TPRG1: variants seen among roughly 807,000 people sequenced by gnomAD.
TPRG1 encodes the protein tumor protein p63-regulated gene 1 protein.
TPRG1 carries 29 observed loss-of-function variants against 29.3 expected under a neutral mutation model. The ratio of observed to expected loss-of-function variants is 0.99; its 90% CI spans 0.74 to 1.35. TPRG1 has a LOEUF of 1.35. Ranked by LOEUF, TPRG1 falls within the 40% of genes most tolerant of loss-of-function variation. TPRG1 has a pLI of 0.00. For missense variants in TPRG1, 327 were observed against 335.0 expected, an observed-to-expected ratio of 0.98 and a Z score of 0.19; for synonymous variants, 130 against 116.8, an observed-to-expected ratio of 1.11 and a Z score of -0.73.
At chr3:189,133,248 A>G (rs775456218) in intron 3 of TPRG1, among the ~76,000 whole-genome samples, 4 of 152,220 alleles carry the variant, frequency 2.6e-5, no homozygotes, top group Non-Finnish European at 4.4e-5. Context: ...TTGAAGTCTT[A>G]TGCTGTGTGC....
At chr3:189,035,979 A>G (rs1714242367) in intron 4 of TPRG1, among the ~76,000 whole-genome samples, 1 of 152,210 alleles carries the variant, frequency 6.6e-6, no homozygotes, top group Non-Finnish European at 1.5e-5. Context: ...TTGTATGTTC[A>G]TTGAAGCACT....
intron 1 of TPRG1, among the ~76,000 whole-genome samples, chr3:189,183,120 G>T (rs184799370): frequency 6.6e-6 from 1 of 152,098 alleles, no homozygotes; most frequent in South Asian, 2.1e-4. Flanking sequence ...TTCCCTAAGC[G>T]TCAGCCAGTT....
intron 2 of TPRG1, 87 bp downstream of exon 2, chr3:189,207,681 T>G: frequency 8.0e-7 from 1 of 1,249,364 alleles, no homozygotes; most frequent in Non-Finnish European, 1.1e-6. Context: ...ATTTACTGAG[T>G]GTACTCACAT....
intron 1 of TPRG1, among the ~76,000 whole-genome samples, chr3:189,101,197 G>A (rs970606088): frequency 1.3e-5 from 2 of 151,966 alleles, no homozygotes; most frequent in African/African-American, 2.4e-5. Context: ...TCATGCCAGC[G>A]AACCCTCACA....
chr3:189,160,310 C>A (rs1006020848), intron 5 of TPRG1, among the ~76,000 whole-genome samples: 1 of 152,012 alleles, frequency 6.6e-6, no homozygotes, highest in Non-Finnish European at 1.5e-5. Flanking sequence ...AGGGAAGAAC[C>A]CTGTGCAAGT....
chr3:189,008,651 C>A (rs1712436906), intron 3 of TPRG1, among the ~76,000 whole-genome samples: 1 of 151,956 alleles, frequency 6.6e-6, no homozygotes, highest in Admixed American at 6.6e-5. Context: ...GACAAGAAGC[C>A]TGGGAGGCTC....
chr3:189,145,235 G>A (rs537484559), intron 3 of TPRG1, among the ~76,000 whole-genome samples: 13 of 151,906 alleles, frequency 8.6e-5, no homozygotes, highest in South Asian at 2.1e-4. Flanking sequence ...GGTGGCAGGC[G>A]CCTGTAATCC....
At chr3:189,255,413 G>A (rs1711662707) in intron 4 of TPRG1, among the ~76,000 whole-genome samples, 1 of 152,180 alleles carries the variant, frequency 6.6e-6, no homozygotes, top group South Asian at 2.1e-4. Flanking sequence ...TGTGCTGCTT[G>A]ATTTGGTTTG....
intron 4 of TPRG1, among the ~76,000 whole-genome samples, chr3:189,265,194 C>T (rs552235481): frequency 6.6e-6 from 1 of 152,216 alleles, no homozygotes; most frequent in African/African-American, 2.4e-5. Flanking sequence ...TTCGGAGTCA[C>T]AGGATCTTAG....
intron 3 of TPRG1, among the ~76,000 whole-genome samples, chr3:189,221,242 T>C (rs1209680271): frequency 6.6e-6 from 1 of 152,224 alleles, no homozygotes; most frequent in Non-Finnish European, 1.5e-5. Context: ...TTTAGATTAA[T>C]CTTCACAGTA....
At chr3:189,157,346 C>A (rs2108618119) in intron 5 of TPRG1, among the ~76,000 whole-genome samples, 1 of 152,284 alleles carries the variant, frequency 6.6e-6, no homozygotes, top group South Asian at 2.1e-4. Context: ...GCTCAGGATG[C>A]AGTTAAGAGG....
intron 4 of TPRG1, chr3:189,240,150 C>T (rs1018016408): frequency 6.6e-6 from 1 of 152,084 alleles, no homozygotes; most frequent in Non-Finnish European, 1.5e-5. Flanking sequence ...ACATAAAAAA[C>T]TTATTTTTGC....
At chr3:189,153,390 G>GCTA (rs1472681210) in intron 5 of TPRG1, among the ~76,000 whole-genome samples, 1 of 152,218 alleles carries the variant, frequency 6.6e-6, no homozygotes, top group Non-Finnish European at 1.5e-5. Flanking sequence ...ACAGAGAAGA[G>GCTA]CTAAGCAAGA....
chr3:189,106,166 T>A (rs1396367201), intron 1 of TPRG1, among the ~76,000 whole-genome samples: 1 of 152,184 alleles, frequency 6.6e-6, no homozygotes, highest in Non-Finnish European at 1.5e-5. Context: ...TTTGGTTTAT[T>A]CTTAAAAGCA....
intron 1 of TPRG1, among the ~76,000 whole-genome samples, chr3:189,203,221 A>G (rs1215415699): frequency 6.6e-6 from 1 of 152,176 alleles, no homozygotes; most frequent in East Asian, 1.9e-4. Context: ...GAAATAAGTT[A>G]TTTACTATAA....
At chr3:189,288,709 C>T (rs922491520) in intron 4 of TPRG1, among the ~76,000 whole-genome samples, 8 of 152,222 alleles carry the variant, frequency 5.3e-5, no homozygotes, top group Non-Finnish European at 1.2e-4. Context: ...TGAGCTAAGT[C>T]GCAGTTTCAA....
chr3:189,032,583 TC>T (rs1344795846), intron 4 of TPRG1, among the ~76,000 whole-genome samples: 6 of 150,792 alleles, frequency 4.0e-5, no homozygotes, highest in African/African-American at 1.5e-4. Context: ...TATTAATCTC[TC>T]CTTTTTTTTT....
At chr3:189,048,735 G>C (rs570868130) in intron 4 of TPRG1, among the ~76,000 whole-genome samples, 2 of 152,272 alleles carry the variant, frequency 1.3e-5, no homozygotes, top group African/African-American at 4.8e-5. Flanking sequence ...GAACAAACCA[G>C]CAATCTCAAG....
chr3:189,217,973 A>C, intron 3 of TPRG1: 1 of 985,432 alleles, frequency 1.0e-6, no homozygotes, highest in Admixed American at 6.1e-5. Flanking sequence ...AAAAAACTAA[A>C]GAAAATAAAC....
Sources: gnomAD v4.1 joint callset for allele counts (sites outside exome capture counted in the v4.1 genomes callset) on GRCh38, gnomAD v4.1.1 for gene constraint, MANE v1.5 for transcripts, NCBI Gene and HGNC (gene_info 2026-07-23, HGNC 2026-07-21) for gene names.